Variants in SPOCK1 observed in about 807,000 individuals in gnomAD.
SPOCK1 encodes the protein SPARC (osteonectin), cwcv and kazal like domains proteoglycan 1, also known as testican-1.
In SPOCK1, 23 loss-of-function variants were observed where a neutral mutation model predicts 55.3. That is an observed-to-expected ratio of 0.42 (90% CI 0.30 to 0.59). The LOEUF is 0.59. Among genes scored for constraint, SPOCK1 ranks in the 20% least tolerant of loss-of-function variants. The pLI is 0.22. For missense variants in SPOCK1, 499 were observed against 552.5 expected, an observed-to-expected ratio of 0.90 and a Z score of 0.97; for synonymous variants, 226 against 221.0, an observed-to-expected ratio of 1.02 and a Z score of -0.20.
At chr5:137,364,123 A>C (rs975913615) in intron 2 of SPOCK1, among the ~76,000 whole-genome samples, 5 of 152,138 alleles carry the variant, frequency 3.3e-5, no homozygotes, top group African/African-American at 4.8e-5. Flanking sequence ...ATTAACCTCC[A>C]TCACATGGGG....
At chr5:137,178,802 G>T (rs1253608349) in intron 3 of SPOCK1, among the ~76,000 whole-genome samples, 1 of 152,210 alleles carries the variant, frequency 6.6e-6, no homozygotes, top group African/African-American at 2.4e-5. Flanking sequence ...TGTTTATATG[G>T]CCCAGTAGAA....
intron 2 of SPOCK1, among the ~76,000 whole-genome samples, chr5:137,495,005 T>A (rs1368544871): frequency 3.3e-5 from 5 of 152,226 alleles, no homozygotes; most frequent in African/African-American, 1.2e-4. Context: ...TGCTTCTTCA[T>A]CGCCTCCTTA....
chr5:137,106,287 G>A (rs1753366057), intron 5 of SPOCK1, among the ~76,000 whole-genome samples: 1 of 152,096 alleles, frequency 6.6e-6, no homozygotes, highest in South Asian at 2.1e-4. Context: ...GGTGAAGCCT[G>A]GGCTGCCCAG....
intron 3 of SPOCK1, among the ~76,000 whole-genome samples, chr5:137,180,521 A>G (rs939534262): frequency 2.6e-5 from 4 of 152,144 alleles, no homozygotes; most frequent in African/African-American, 9.7e-5. Context: ...AGCTTCCTAA[A>G]CTGAAACCAG....
chr5:137,380,998 C>A (rs78532128), intron 2 of SPOCK1, among the ~76,000 whole-genome samples: 1,546 of 152,150 alleles, frequency 0.01, 19 homozygotes, highest in African/African-American at 0.035. Flanking sequence ...TAAAATCACA[C>A]ACAAGTTATG....
intron 2 of SPOCK1, among the ~76,000 whole-genome samples, chr5:137,296,499 A>G (rs1418589393): frequency 6.6e-6 from 1 of 152,142 alleles, no homozygotes; most frequent in Non-Finnish European, 1.5e-5. Flanking sequence ...AACGCGAACT[A>G]AAGGAGCATC....
At chr5:137,437,043 C>T (rs1471433527) in intron 2 of SPOCK1, among the ~76,000 whole-genome samples, 2 of 152,180 alleles carry the variant, frequency 1.3e-5, no homozygotes, top group Non-Finnish European at 2.9e-5. Context: ...GTGGGCTACA[C>T]TGTGTAGCAG....
At chr5:136,982,395 G>A (rs1382359237) in intron 9 of SPOCK1, among the ~76,000 whole-genome samples, 1 of 152,118 alleles carries the variant, frequency 6.6e-6, no homozygotes, top group Non-Finnish European at 1.5e-5. Flanking sequence ...TGTTTGACCT[G>A]TTCACATTTA....
intron 3 of SPOCK1, among the ~76,000 whole-genome samples, chr5:137,207,472 T>C (rs1755539451): frequency 6.6e-6 from 1 of 152,258 alleles, no homozygotes; most frequent in South Asian, 2.1e-4. Flanking sequence ...GGAAGAGGTA[T>C]AGGCTTCAGT....
chr5:137,140,543 G>A (rs1187711862), intron 4 of SPOCK1, 37 bp downstream of exon 4: 2 of 1,548,432 alleles, frequency 1.3e-6, no homozygotes, highest in South Asian at 1.2e-5. Context: ...GCTGCAGAAT[G>A]CCTCCCAGCC....
intron 5 of SPOCK1, among the ~76,000 whole-genome samples, chr5:137,074,199 A>G (rs994918196): frequency 3.3e-5 from 5 of 152,230 alleles, no homozygotes; most frequent in Non-Finnish European, 7.3e-5. Flanking sequence ...TAAAAATCGG[A>G]AACAAATGAA....
chr5:137,177,530 A>T lies in SPOCK1; in HGVS notation c.233-36836T>A, dbSNP rs77781820. ...AGGTGGGAATCATGCAGTCGTGGCA[A>T]AGAGAAGATCAGATCAGAATACATG... On this transcript the variant is annotated intron_variant, in intron 3 of 10. Coordinates refer to ENST00000394945, the MANE Select transcript of SPOCK1 (RefSeq NM_004598.4). Among the ~76,000 whole-genome samples, 601 of 152,284 alleles carry T rather than the reference A, an allele frequency of 3.9e-3. 37 individuals carry two copies. The East Asian group carries it at 0.1, about 26-fold the overall frequency.
chr5:137,273,469 G>T, intron 2 of SPOCK1: 1 of 769,410 alleles, frequency 1.3e-6, no homozygotes, highest in Non-Finnish European at 1.6e-6. Flanking sequence ...TTTGATAATT[G>T]CATCAAATTT....
chr5:137,026,035 T>C (rs1378949931), intron 6 of SPOCK1, among the ~76,000 whole-genome samples: 1 of 152,204 alleles, frequency 6.6e-6, no homozygotes, highest in African/African-American at 2.4e-5. Context: ...TATCATTAAA[T>C]AGAAGGAAGG....
chr5:137,308,403 T>C (rs1757735114), intron 2 of SPOCK1, among the ~76,000 whole-genome samples: 1 of 152,220 alleles, frequency 6.6e-6, no homozygotes, highest in Non-Finnish European at 1.5e-5. Context: ...CTTTGTCCAG[T>C]GGGAGGCCCA....
At chr5:137,249,199 C>T (rs1380135070) in intron 3 of SPOCK1, among the ~76,000 whole-genome samples, 1 of 152,178 alleles carries the variant, frequency 6.6e-6, no homozygotes, top group Non-Finnish European at 1.5e-5. Context: ...GTAAGTAAAA[C>T]ATTAATTATC....
chr5:137,214,415 C>G (rs1002622912), intron 3 of SPOCK1, among the ~76,000 whole-genome samples: 1 of 152,202 alleles, frequency 6.6e-6, no homozygotes, highest in Non-Finnish European at 1.5e-5. Flanking sequence ...GTCACTTCTA[C>G]AAGGCTGAAT....
At chr5:137,275,847 C>T (rs1757055858) in intron 2 of SPOCK1, among the ~76,000 whole-genome samples, 1 of 152,186 alleles carries the variant, frequency 6.6e-6, no homozygotes, top group Non-Finnish European at 1.5e-5. Context: ...GCCGTTCAGG[C>T]AACAACGAAG....
At chr5:137,093,761 C>T (rs891745418) in intron 5 of SPOCK1, among the ~76,000 whole-genome samples, 1 of 152,122 alleles carries the variant, frequency 6.6e-6, no homozygotes, top group Non-Finnish European at 1.5e-5. Flanking sequence ...TGATATGAAA[C>T]GAGCTCAGCA....
Sources: allele counts gnomAD v4.1 joint callset (sites outside exome capture counted in the v4.1 genomes callset), GRCh38; gene constraint gnomAD v4.1.1; transcripts MANE v1.5; gene names NCBI Gene and HGNC (gene_info 2026-07-23, HGNC 2026-07-21).